The following OTOG variants were observed in gnomAD, a reference collection of about 807,000 sequenced individuals.
OTOG encodes otogelin.
In OTOG, 296 loss-of-function variants were observed where a neutral mutation model predicts 313.8. The observed-to-expected ratio is 0.94, with a 90% confidence interval of 0.86 to 1.04. OTOG has a LOEUF of 1.04. Among genes scored for constraint, OTOG ranks in the 50% least tolerant of loss-of-function variants. OTOG has a pLI of 0.00. For missense variants in OTOG, 3,948 were observed against 3,840.1 expected (o/e 1.03, Z -0.74); for synonymous variants, 1,533 against 1,554.9 (o/e 0.99, Z 0.33).
chr11:17,576,613 C>T lies in OTOG; in HGVS notation c.2544C>T (p.Ile848=), dbSNP rs1256253934. The change falls in exon 21 of 56, where the codon ATC becomes ATT. Residue 848 remains isoleucine, a synonymous_variant. Transcript: ENST00000399397. ...GVDYPPGDSD[I]PSLGHCHCKD... ...ACTATCCCCCCGGAGACAGTGACAT[C>T]CCATCCCTGGGCCACTGGTGAGCTC... 2 of 1,550,334 alleles carry T rather than the reference C, an allele frequency of 1.3e-6. No homozygotes were observed. The highest frequency in any genetic ancestry group is 2.4e-5 in the East Asian group (1 of 40,912).
chr11:17,645,551 C>T lies in OTOG; in HGVS notation c.8462-13C>T. 1.3e-6 allele frequency: 2 copies of T among 1,550,028 alleles called. No individual in the cohort carries two copies. The highest frequency in any genetic ancestry group is 1.7e-6 in the Non-Finnish European group (2 of 1,146,724). On this transcript the variant is annotated splice_polypyrimidine_tract_variant and intron_variant, in intron 54 of 55. Coordinates refer to ENST00000399397, the MANE Select transcript of OTOG (RefSeq NM_001292063.2). ...GTCTTGGCCACAGCTGCCTCATCCC[C>T]CTGTCCCCCCAGGTAAGGAGGATGG... is the stretch of plus-strand genomic sequence containing the variant.
chr11:17,558,990 TGCTGGTGG>T, intron 10 of OTOG, 54 bp from the exon 11 acceptor site: 1 of 1,305,348 alleles, frequency 7.7e-7, no homozygotes, highest in Admixed American at 2.0e-5. Flanking sequence ...GTCTATGGGA[TGCTGGTGG>T]GCTGGTGGCA....
rs1233905302 is a variant in OTOG at position 17,558,174 on chromosome 11, C to A, written c.866-11C>A. ...TCGCTGCCCCATCATGATGTCAGCT[C>A]CCTCCTCCAGGGAAGCTGACTGACG... is the stretch of plus-strand genomic sequence containing the variant. On this transcript the variant is annotated splice_polypyrimidine_tract_variant and intron_variant, in intron 8 of 55. Coordinates refer to ENST00000399397, the MANE Select transcript of OTOG (RefSeq NM_001292063.2). 1 of 1,550,418 alleles carries A rather than the reference C, an allele frequency of 6.4e-7. No individual in the cohort carries two copies. Among genetic ancestry groups the A allele is most frequent in the Non-Finnish European group, 8.7e-7 (1 of 1,146,952 alleles).
Position 17,643,489 on chromosome 11 carries a change from A to G in OTOG, c.8444A>G (p.Glu2815Gly). 6.9e-7 allele frequency: 1 copy of G among 1,459,254 alleles called. No homozygotes were observed. Among genetic ancestry groups the G allele is most frequent in the African/African-American group, 1.4e-5 (1 of 69,034 alleles). The allele number at this position is 1,459,254 out of a possible 1,614,324, so 90.4% of individuals were successfully genotyped here. Residue 2815 changes from glutamate (E) to glycine (G), a missense_variant, in exon 54 of 56, where the codon GAA becomes GGA. Glu to Gly is a moderately conservative substitution (Grantham distance 98). Transcript: ENST00000399397. The part of the protein sequence containing the change: ...KVGGSVVPSL[E>G]GCCRTCKEDG... ...GGGGGTTCCGTGGTACCTTCCTTGG[A>G]AGGATGCTGCAGGACCTGTGAGTGA...
intron 39 of OTOG, among the ~76,000 whole-genome samples, chr11:17,628,236 C>A (rs375200935): frequency 6.6e-6 from 1 of 152,002 alleles, no homozygotes; most frequent in East Asian, 1.9e-4. Context: ...TTTGCTGTAT[C>A]CTGTAGGTTT....
intron 39 of OTOG, among the ~76,000 whole-genome samples, chr11:17,618,549 G>T (rs997111028): frequency 5.3e-5 from 8 of 152,180 alleles, no homozygotes; most frequent in Non-Finnish European, 7.4e-5. Flanking sequence ...AGTGTTCTAT[G>T]AATGTTAATT....
chr11:17,572,424 T>C lies in OTOG; in HGVS notation c.2080+220T>C, dbSNP rs7932300. Reference sequence around the variant, plus strand: ...TATCAGATATACACACACACCTTTATACTGGCTTCTCCATCTCAGGGCAAA... The same window carrying C: ...TATCAGATATACACACACACCTTTACACTGGCTTCTCCATCTCAGGGCAAA... On this transcript the variant is annotated intron_variant, in intron 18 of 55. Coordinates refer to ENST00000399397, the MANE Select transcript of OTOG (RefSeq NM_001292063.2). Among the ~76,000 whole-genome samples the C allele has an allele frequency of 0.015, 2,358 of 152,366 alleles. 71 individuals are homozygous for C. The highest frequency in any genetic ancestry group is 0.053 in the African/African-American group (2,214 of 41,576).
chr11:17,640,135 T>G (rs1020529690), intron 49 of OTOG, among the ~76,000 whole-genome samples: 5 of 152,160 alleles, frequency 3.3e-5, no homozygotes, highest in African/African-American at 1.2e-4. Flanking sequence ...ACTGAGAGCT[T>G]ACTAAATGCC....
chr11:17,645,697 TG>T (rs1848061562), intron 55 of OTOG, 46 bp from the exon 56 acceptor site: 1 of 1,550,500 alleles, frequency 6.4e-7, no homozygotes, highest in Admixed American at 2.0e-5. Context: ...GGAGGGGGTT[TG>T]GGGGTGTGAG....
At chr11:17,638,898 C>T (rs1847909935) in intron 48 of OTOG, 8 of 779,642 alleles carry the variant, frequency 1.0e-5, no homozygotes, top group Non-Finnish European at 1.5e-5. Context: ...GAGTTCAAGA[C>T]CAGCCTGGCC....
At chr11:17,593,796 C>G (rs1447609267) in intron 27 of OTOG, 40 bp downstream of exon 27, 2 of 1,540,378 alleles carry the variant, frequency 1.3e-6, no homozygotes, top group African/African-American at 2.7e-5. Context: ...CTGCCTGGGG[C>G]TAAGCCAAGC....
chr11:17,549,220 C>A (rs1470763917), intron 3 of OTOG, among the ~76,000 whole-genome samples: 1 of 152,192 alleles, frequency 6.6e-6, no homozygotes, highest in Non-Finnish European at 1.5e-5. Context: ...CACCCACCTG[C>A]AGCTAGGTCC....
intron 27 of OTOG, 136 bp downstream of exon 27, chr11:17,593,892 C>T (rs1853021493): frequency 5.0e-6 from 7 of 1,392,224 alleles, no homozygotes; most frequent in Non-Finnish European, 6.8e-6. Context: ...GCTCTGGGCC[C>T]CTTCTCCTCT....
In OTOG at chr11:17,603,124, A is replaced by G. The variant is rs561659062; in HGVS notation, c.3877+747A>G. Reference sequence around the variant, plus strand: ...TCCTGGCTCCTGCCCAGCCCCAGGCACAGCCAACATCCCTAGCTATAGGTG... The same window carrying G: ...TCCTGGCTCCTGCCCAGCCCCAGGCGCAGCCAACATCCCTAGCTATAGGTG... On this transcript the variant is annotated intron_variant, in intron 32 of 55. Coordinates refer to ENST00000399397, the MANE Select transcript of OTOG (RefSeq NM_001292063.2). 3.3e-5 allele frequency among the ~76,000 whole-genome samples: 5 copies of G among 152,208 alleles called. No homozygotes were observed. The East Asian group carries it at 9.7e-4, about 29-fold the overall frequency.
At chr11:17,576,755 A>C in intron 21 of OTOG, 113 bp from the exon 22 acceptor site, 1 of 1,456,634 alleles carries the variant, frequency 6.9e-7, no homozygotes, top group Non-Finnish European at 9.4e-7. Context: ...GGGAGGGGGA[A>C]GTGAGTGAGG....
At position 17,614,523 on chromosome 11, in the gene OTOG, G is replaced by A. The variant is rs556880258; in HGVS notation, c.6528+822G>A. ...AGTTGCAACAAGCACCCACAGTCAT[G>A]TAACTACCACCTCCAACCAGGATAT... On this transcript the variant is annotated intron_variant, in intron 39 of 55. Coordinates refer to ENST00000399397, the MANE Select transcript of OTOG (RefSeq NM_001292063.2). Among the ~76,000 whole-genome samples the A allele has an allele frequency of 1.1e-4, 16 of 152,282 alleles. No individual in the cohort carries two copies. In the South Asian group the frequency reaches 3.1e-3, roughly 30 times the overall value.
At position 17,610,814 on chromosome 11, in the gene OTOG, G is replaced by A. The variant is rs1217643742; in HGVS notation, c.5514G>A (p.Thr1838=). 3.2e-6 allele frequency: 5 copies of A among 1,550,782 alleles called. No homozygotes were observed. The highest frequency in any genetic ancestry group is 2.4e-5 in the South Asian group (2 of 84,060). Residue 1838 remains threonine (T), a synonymous_variant, in exon 36 of 56, where the codon ACG becomes ACA. Transcript: ENST00000399397. The stretch of plus-strand genomic sequence containing the variant: ...CCACTCCACTCCAGCCACAGGCCAC[G>A]ACTCTGCCTGCTCAGACACTTAGCC... ...VITTPLQPQA[T]TLPAQTLSPV... is the part of the protein sequence containing the mutation.
In OTOG at chr11:17,568,053, A is replaced by G. The variant is rs370210381; in HGVS notation, c.1645-1103A>G. 1.9e-3 allele frequency among the ~76,000 whole-genome samples: 294 copies of G among 152,106 alleles called. 1 individual carries two copies. Among genetic ancestry groups the G allele is most frequent in the East Asian group, 3.9e-3 (20 of 5,162 alleles). On this transcript the variant is annotated intron_variant, in intron 15 of 55. Transcript: ENST00000399397. ...CTCCCGAGTAACTGGGACTACAGGC[A>G]CCCGCCACCATGCCTGGCTAATTTT...
chr11:17,591,174 A>T (rs1852923078), intron 24 of OTOG, among the ~76,000 whole-genome samples: 1 of 152,138 alleles, frequency 6.6e-6, no homozygotes, highest in Admixed American at 6.5e-5. Context: ...GAATGAATGG[A>T]GTGGTAAAGG....
Sources: allele counts gnomAD v4.1 joint callset (sites outside exome capture counted in the v4.1 genomes callset), GRCh38; gene constraint gnomAD v4.1.1; transcripts MANE v1.5; gene names NCBI Gene and HGNC (gene_info 2026-07-23, HGNC 2026-07-21).